Variants in SLC17A8 observed in about 807,000 individuals in gnomAD.
SLC17A8 encodes the protein solute carrier family 17 member 8, also known as vesicular glutamate transporter 3.
In SLC17A8, 31 loss-of-function variants were observed where a neutral mutation model predicts 58.0. The ratio of observed to expected loss-of-function variants is 0.53; its 90% CI spans 0.40 to 0.72. The LOEUF (loss-of-function observed/expected upper bound fraction) is 0.72, where lower values mean the gene tolerates loss of function less well. Among genes scored for constraint, SLC17A8 ranks in the 30% least tolerant of loss-of-function variants. SLC17A8 has a pLI of 0.00. For missense variants in SLC17A8, 655 were observed against 727.8 expected, an observed-to-expected ratio of 0.90 and a Z score of 1.15; for synonymous variants, 228 against 249.0, an observed-to-expected ratio of 0.92 and a Z score of 0.79.
chr12:100,399,269 G>T (rs1314467548), intron 5 of SLC17A8, among the ~76,000 whole-genome samples: 1 of 152,110 alleles, frequency 6.6e-6, no homozygotes, highest in African/African-American at 2.4e-5. Flanking sequence ...GGGCAGTCTG[G>T]GAGCAGCTGG....
At chr12:100,365,813 G>A (rs962190647) in intron 1 of SLC17A8, among the ~76,000 whole-genome samples, 14 of 152,082 alleles carry the variant, frequency 9.2e-5, no homozygotes, top group African/African-American at 2.9e-4. Context: ...ATAACATAAT[G>A]TCATCTATTG....
chr12:100,409,954 G>A (rs975927437), intron 9 of SLC17A8, among the ~76,000 whole-genome samples: 1 of 152,190 alleles, frequency 6.6e-6, no homozygotes, highest in Admixed American at 6.5e-5. Context: ...CTCATGATAT[G>A]GAGCTCATGA....
intron 7 of SLC17A8, 44 bp downstream of exon 7, chr12:100,402,523 T>C: frequency 6.2e-7 from 1 of 1,613,366 alleles, no homozygotes; most frequent in African/African-American, 1.3e-5. Flanking sequence ...TTTTCATAAG[T>C]GATTGTGTTG....
chr12:100,369,430 C>T (rs1387695455), intron 1 of SLC17A8, among the ~76,000 whole-genome samples: 1 of 152,234 alleles, frequency 6.6e-6, no homozygotes, highest in Admixed American at 6.5e-5. Context: ...CCACTGCCTG[C>T]TTCTAAGTGT....
intron 1 of SLC17A8, among the ~76,000 whole-genome samples, chr12:100,378,178 G>C (rs1322954541): frequency 6.6e-6 from 1 of 152,128 alleles, no homozygotes; most frequent in African/African-American, 2.4e-5. Context: ...AGTGTATATA[G>C]GTTGAGGTAA....
At chr12:100,365,977 C>T (rs1952517734) in intron 1 of SLC17A8, among the ~76,000 whole-genome samples, 1 of 151,552 alleles carries the variant, frequency 6.6e-6, no homozygotes, top group Non-Finnish European at 1.5e-5. Flanking sequence ...AAAGAATGCA[C>T]CAGATCAAGA....
chr12:100,383,564 A>C (rs966690492), intron 2 of SLC17A8, among the ~76,000 whole-genome samples: 47 of 152,248 alleles, frequency 3.1e-4, no homozygotes, highest in African/African-American at 1.1e-3. Context: ...TTTTAAGGGA[A>C]AAACTAGATA....
chr12:100,420,312 A>G lies in SLC17A8; in HGVS notation c.*153A>G. On this transcript the variant is annotated 3_prime_UTR_variant, in exon 12 of 12. Coordinates refer to ENST00000323346, the MANE Select transcript of SLC17A8 (RefSeq NM_139319.3). ...GGGAAAAGAGAAATATTATCTTTCA[A>G]TGACATGTATAGGTAAGGAGCTGCG... The G allele has an allele frequency of 1.5e-6, 1 of 649,510 alleles. No individual in the cohort carries two copies. The highest frequency in any genetic ancestry group is 2.7e-5 in the East Asian group (1 of 36,702). The allele number at this position is 649,510 out of a possible 1,614,324, so 40.2% of individuals were successfully genotyped here.
intron 1 of SLC17A8, among the ~76,000 whole-genome samples, chr12:100,359,558 G>C (rs961957136): frequency 6.6e-6 from 1 of 152,188 alleles, no homozygotes; most frequent in Non-Finnish European, 1.5e-5. Flanking sequence ...ATATTGTCAT[G>C]GTTGTCCTAA....
At chr12:100,371,759 A>G (rs919622456) in intron 1 of SLC17A8, among the ~76,000 whole-genome samples, 1 of 152,262 alleles carries the variant, frequency 6.6e-6, no homozygotes. Context: ...CATGTTGGCC[A>G]GGCTGGTCTT....
At chr12:100,365,012 G>A (rs186591641) in intron 1 of SLC17A8, among the ~76,000 whole-genome samples, 85 of 152,288 alleles carry the variant, frequency 5.6e-4, no homozygotes, top group African/African-American at 1.5e-3. Flanking sequence ...TGAGCTCATG[G>A]AGAGGCATTG....
chr12:100,419,773 T>C, intron 11 of SLC17A8, 42 bp from the exon 12 acceptor site: 1 of 1,591,504 alleles, frequency 6.3e-7, no homozygotes, highest in Non-Finnish European at 8.6e-7. Context: ...TAATCTCTAG[T>C]TTTAGTTAAA....
chr12:100,402,957 G>A (rs1435739042), intron 8 of SLC17A8, among the ~76,000 whole-genome samples: 1 of 152,160 alleles, frequency 6.6e-6, no homozygotes, highest in African/African-American at 2.4e-5. Flanking sequence ...GCCGTATTAA[G>A]CTGCTTTAAA....
At chr12:100,386,729 C>A (rs2135991293) in intron 2 of SLC17A8, among the ~76,000 whole-genome samples, 1 of 149,688 alleles carries the variant, frequency 6.7e-6, no homozygotes, top group Non-Finnish European at 1.5e-5. Context: ...TACTCTGTCA[C>A]CCAGGCTGGA....
At chr12:100,383,300 G>A (rs772165102) in intron 2 of SLC17A8, among the ~76,000 whole-genome samples, 2 of 152,172 alleles carry the variant, frequency 1.3e-5, no homozygotes, top group African/African-American at 2.4e-5. Context: ...TAGTTTCTAC[G>A]GCTGTGCCCT....
intron 8 of SLC17A8, among the ~76,000 whole-genome samples, chr12:100,403,036 A>G (rs1952802570): frequency 1.3e-5 from 2 of 152,336 alleles, no homozygotes; most frequent in East Asian, 1.9e-4. Context: ...AGGCAAGGAT[A>G]AAAAGATTTG....
Position 100,391,769 on chromosome 12 carries a change from C to T in SLC17A8, c.473+650C>T, listed in dbSNP as rs76328960. Among the ~76,000 whole-genome samples the T allele has an allele frequency of 2.9e-3, 449 of 152,286 alleles. 3 individuals are homozygous for T. Among genetic ancestry groups the T allele is most frequent in the African/African-American group, 0.01 (435 of 41,554 alleles). The stretch of plus-strand genomic sequence containing the variant: ...CTCTATTGAGTCACTTTCCTTCCCT[C>T]CCTGGGCCTCAGTTTCTTCATCTGT... On this transcript the variant is annotated intron_variant, in intron 3 of 11. Transcript: ENST00000323346.
rs1952620770 is a variant in SLC17A8 at position 100,379,799 on chromosome 12, C to T, written c.102-902C>T. On this transcript the variant is annotated intron_variant, in intron 1 of 11. Coordinates refer to ENST00000323346, the MANE Select transcript of SLC17A8 (RefSeq NM_139319.3). ...ATTTGAATAAAAGGTGCTGGATGAT[C>T]ACCTCCTTAGAGGAACCATCTAAGG... Among the ~76,000 whole-genome samples the T allele has an allele frequency of 2.0e-5, 3 of 151,718 alleles. No individual in the cohort carries two copies. The South Asian group carries it at 6.2e-4, about 32-fold the overall frequency.
chr12:100,404,780 C>G (rs763838849), intron 9 of SLC17A8, among the ~76,000 whole-genome samples: 6 of 152,180 alleles, frequency 3.9e-5, no homozygotes, highest in Non-Finnish European at 7.4e-5. Context: ...ATCTTCATAA[C>G]CACCATGTGG....
Sources: gnomAD v4.1 joint callset for allele counts (sites outside exome capture counted in the v4.1 genomes callset) on GRCh38, gnomAD v4.1.1 for gene constraint, MANE v1.5 for transcripts, NCBI Gene and HGNC (gene_info 2026-07-23, HGNC 2026-07-21) for gene names.